SATL1: variants seen among roughly 807,000 people sequenced by gnomAD.
SATL1 encodes spermidine/spermine N1-acetyl transferase like 1, also known as spermidine/spermine N(1)-acetyltransferase-like protein 1.
In SATL1, 47 loss-of-function variants were observed where a neutral mutation model predicts 51.8. That is an observed-to-expected ratio of 0.91 (90% CI 0.72 to 1.16). The LOEUF (loss-of-function observed/expected upper bound fraction) is 1.16. SATL1 is among the 50% of genes most tolerant of loss of function. SATL1 has a pLI of 0.00. For missense variants in SATL1, 520 were observed against 526.4 expected (o/e 0.99, Z 0.12); for synonymous variants, 176 against 182.4 (o/e 0.97, Z 0.28).
chrX:85,223,401 T>C (rs939082315), intron 2 of SATL1, among the ~76,000 whole-genome samples: 1 of 111,164 alleles, frequency 9.0e-6, no homozygotes, highest in Admixed American at 9.6e-5. Flanking sequence ...TCAAAAAAGA[T>C]ATTAGTTAAG....
At chrX:85,241,973 T>C (rs1928608080) in intron 1 of SATL1, among the ~76,000 whole-genome samples, 2 of 112,053 alleles carry the variant, frequency 1.8e-5, no homozygotes, top group Non-Finnish European at 3.8e-5. Flanking sequence ...GAGGAACTAG[T>C]TAGCAAGGGG....
chrX:85,158,470 C>A (rs988035303), intron 2 of SATL1, among the ~76,000 whole-genome samples: 5 of 111,694 alleles, frequency 4.5e-5, no homozygotes, highest in Non-Finnish European at 7.5e-5. Context: ...TTCACTGTTG[C>A]CTTTGTTGGT....
intron 2 of SATL1, among the ~76,000 whole-genome samples, chrX:85,154,990 A>G (rs983752728): frequency 9.0e-6 from 1 of 111,453 alleles, no homozygotes; most frequent in Non-Finnish European, 1.9e-5. Context: ...TGGGCTTATA[A>G]ATTGTAATAA....
chrX:85,133,653 T>A (rs1469433313), intron 2 of SATL1, among the ~76,000 whole-genome samples: 1 of 111,748 alleles, frequency 8.9e-6, no homozygotes. Context: ...TTCTGTGGGC[T>A]GCACCCACTG....
At chrX:85,139,701 C>A (rs955665548) in intron 2 of SATL1, among the ~76,000 whole-genome samples, 1 of 111,671 alleles carries the variant, frequency 9.0e-6, no homozygotes, top group Admixed American at 9.5e-5. Flanking sequence ...TCAGATTAAT[C>A]TCATTTTCTT....
intron 2 of SATL1, among the ~76,000 whole-genome samples, chrX:85,144,727 T>C (rs754825230): frequency 2.5e-3 from 283 of 111,596 alleles, no homozygotes; most frequent in African/African-American, 8.3e-3. Context: ...TATCAAAACA[T>C]CATTAAGAGT....
At chrX:85,233,716 T>C (rs1172852084) in intron 1 of SATL1, among the ~76,000 whole-genome samples, 1 of 111,845 alleles carries the variant, frequency 8.9e-6, no homozygotes, top group East Asian at 2.8e-4. Context: ...AGCTTTGAGA[T>C]AGATTATTTG....
intron 2 of SATL1, among the ~76,000 whole-genome samples, chrX:85,202,715 G>A: frequency 8.9e-6 from 1 of 112,132 alleles, no homozygotes; most frequent in Non-Finnish European, 1.9e-5. Flanking sequence ...TTGTGCTGTG[G>A]GCCCAAGCCA....
Position 85,094,185 on chromosome X carries a change from A to T in SATL1, c.1819T>A (p.Ser607Thr). 2 of 1,199,688 alleles carry T rather than the reference A, an allele frequency of 1.7e-6. No individual in the cohort carries two copies. ...AGGTAAAGTACCTTGCCAGTCCATG[A>T]GTCGTATGTAAAGTAGTACATGGCA... ...GFAMYYFTYD[S>T]WTGKVLYLED... is the part of the protein sequence containing the mutation. The change falls in exon 6 of 8, where the codon TCA becomes ACA. Residue 607 changes from serine (S) to threonine (T), a missense_variant. Around this residue, in one of 3 missense-constraint regions of SATL1, gnomAD observed 488 missense variants for 474.3 expected, o/e 1.03. Transcript: ENST00000644105.
intron 2 of SATL1, among the ~76,000 whole-genome samples, chrX:85,145,659 T>G (rs1394171624): frequency 9.0e-6 from 1 of 111,483 alleles, no homozygotes; most frequent in Admixed American, 9.5e-5. Flanking sequence ...AGCTTCAAAA[T>G]GTGGTAGACA....
intron 2 of SATL1, among the ~76,000 whole-genome samples, chrX:85,125,120 A>G (rs1366185438): frequency 4.5e-5 from 5 of 110,690 alleles, no homozygotes; most frequent in Non-Finnish European, 9.5e-5. Flanking sequence ...AGGGTACTTT[A>G]TAGTTATTTT....
intron 2 of SATL1, among the ~76,000 whole-genome samples, chrX:85,168,415 A>T (rs771348453): frequency 4.5e-5 from 5 of 112,016 alleles, no homozygotes; most frequent in Non-Finnish European, 9.4e-5. Context: ...AAGCTGATAA[A>T]CAACTTCAGC....
chrX:85,198,891 C>T (rs1004957786), intron 2 of SATL1, among the ~76,000 whole-genome samples: 8 of 108,218 alleles, frequency 7.4e-5, no homozygotes, highest in African/African-American at 1.7e-4. Flanking sequence ...CAGGCTGGAG[C>T]GCAGTGACAC....
rs1924581383 is a variant in SATL1, at chrX:85,093,181, A to C, written c.1917+4T>G. On this transcript the variant is annotated splice_donor_region_variant and intron_variant, in intron 7 of 7. Coordinates refer to ENST00000644105, the MANE Select transcript of SATL1 (RefSeq NM_001367857.2). ...AGAATATCAATACTAATTGTAATAC[A>C]TACCTGACTTAGCCTCTTCAGCATT... The C allele has an allele frequency of 1.7e-6, 2 of 1,161,452 alleles. No individual in the cohort carries two copies. The highest frequency in any genetic ancestry group is 2.3e-6 in the Non-Finnish European group (2 of 867,774).
intron 2 of SATL1, among the ~76,000 whole-genome samples, chrX:85,145,178 A>G (rs1411602572): frequency 2.7e-5 from 3 of 112,029 alleles, no homozygotes; most frequent in Non-Finnish European, 5.6e-5. Context: ...TGAAGAGAGC[A>G]TTATTAATAA....
intron 2 of SATL1, among the ~76,000 whole-genome samples, chrX:85,143,771 A>T (rs1926164545): frequency 9.0e-6 from 1 of 111,651 alleles, no homozygotes; most frequent in Admixed American, 9.6e-5. Flanking sequence ...GAAAAATTCT[A>T]TGGACCAGTA....
chrX:85,108,679 A>G lies in SATL1; in HGVS notation c.290T>C (p.Leu97Pro). 2.5e-6 allele frequency: 3 copies of G among 1,196,943 alleles called. No individual in the cohort carries two copies. The highest frequency in any genetic ancestry group is 1.8e-5 in the African/African-American group (1 of 56,433). The change falls in exon 3 of 8, where the codon CTA becomes CCA. Residue 97 changes from leucine (L) to proline (P), a missense_variant. By Grantham distance (98) the Leu-to-Pro change is moderately conservative (BLOSUM62 -3). Around this residue, in one of 3 missense-constraint regions of SATL1, gnomAD observed 488 missense variants for 474.3 expected, o/e 1.03. Transcript: ENST00000644105. ...GCTTATGCCTGCTTTGCTCAGGACT[A>G]GTTGGCTCAGTTCTTGTTGCAGCAT... The part of the protein sequence containing the change: ...PGMLQQELSQ[L>P]VLSKAGISQP...
chrX:85,127,997 T>A (rs1408583178), intron 2 of SATL1, among the ~76,000 whole-genome samples: 1 of 111,879 alleles, frequency 8.9e-6, no homozygotes, highest in Non-Finnish European at 1.9e-5. Flanking sequence ...TATGGCTGCA[T>A]AGTATTCCAT....
At chrX:85,230,894 G>A (rs1416127296) in intron 1 of SATL1, among the ~76,000 whole-genome samples, 1 of 112,023 alleles carries the variant, frequency 8.9e-6, no homozygotes, top group African/African-American at 3.2e-5. Context: ...ACATCTGTTA[G>A]AATGGCTATT....
Sources: gnomAD v4.1 joint callset for allele counts (sites outside exome capture counted in the v4.1 genomes callset) on GRCh38, gnomAD v4.1.1 for gene constraint, gnomAD v4.1.1 regional missense constraint, MANE v1.5 for transcripts, NCBI Gene and HGNC (gene_info 2026-07-23, HGNC 2026-07-21) for gene names.